VPS37B: variants seen among roughly 807,000 people sequenced by gnomAD.
The protein encoded by VPS37B is VPS37B subunit of ESCRT-I, also known as vacuolar protein sorting-associated protein 37B.
In VPS37B, 11 loss-of-function variants were observed where a neutral mutation model predicts 21.2. The ratio of observed to expected loss-of-function variants is 0.52; its 90% CI spans 0.33 to 0.86. The LOEUF is 0.86. Among genes scored for constraint, VPS37B ranks in the 40% least tolerant of loss-of-function variants. The pLI, the probability that VPS37B is intolerant of heterozygous loss-of-function variation, is 0.03. For synonymous variants in VPS37B, 175 were observed against 159.6 expected, an observed-to-expected ratio of 1.10 and a Z score of -0.73; for missense variants, 389 against 374.8, an observed-to-expected ratio of 1.04 and a Z score of -0.31.
At chr12:122,872,383 T>C (rs2034056738) in intron 1 of VPS37B, 1 of 985,466 alleles carries the variant, frequency 1.0e-6, no homozygotes, top group Non-Finnish European at 1.2e-6. Context: ...AAGATCAGGC[T>C]CTGCTGAAAC....
chr12:122,867,627 G>A lies in VPS37B; in HGVS notation c.367-20C>T. 1 of 1,610,256 alleles carries A rather than the reference G, an allele frequency of 6.2e-7. No individual in the cohort carries two copies. The highest frequency in any genetic ancestry group is 8.5e-7 in the Non-Finnish European group (1 of 1,179,932). ...CATGTTCTGAAAGAGGCAGAAACCT[G>A]GTTACAGGGACAGCCAGATGGGGAG... is the stretch of plus-strand genomic sequence containing the variant. On this transcript the variant is annotated intron_variant, in intron 3 of 3. Coordinates refer to ENST00000267202, the MANE Select transcript of VPS37B (RefSeq NM_024667.3). The surrounding 1 kb of genome is among the most constrained non-coding windows in gnomAD (Gnocchi z 5.5).
chr12:122,891,710 G>T (rs1484550300), intron 1 of VPS37B, among the ~76,000 whole-genome samples: 1 of 152,232 alleles, frequency 6.6e-6, no homozygotes, highest in African/African-American at 2.4e-5. Flanking sequence ...CATTCAGAGT[G>T]TGTTTGGGAG....
chr12:122,874,775 C>G (rs946199417), intron 1 of VPS37B: 2 of 151,758 alleles, frequency 1.3e-5, no homozygotes, highest in African/African-American at 4.8e-5. Flanking sequence ...ATGGAGAGAC[C>G]CCTTCTCTAA....
At chr12:122,885,127 G>A (rs1420387603) in intron 1 of VPS37B, 1 of 151,746 alleles carries the variant, frequency 6.6e-6, no homozygotes, top group Admixed American at 6.6e-5. Flanking sequence ...AGGGAAAAAA[G>A]GGATTAGTCA....
At chr12:122,893,647 G>A (rs975578055) in intron 1 of VPS37B, among the ~76,000 whole-genome samples, 10 of 152,012 alleles carry the variant, frequency 6.6e-5, no homozygotes, top group African/African-American at 9.7e-5. Context: ...AGTGATCCTC[G>A]CTAGGTGAGC....
At chr12:122,879,886 G>C (rs925140149) in intron 1 of VPS37B, 1 of 152,140 alleles carries the variant, frequency 6.6e-6, no homozygotes, top group Non-Finnish European at 1.5e-5. Flanking sequence ...GAGGCGGGCG[G>C]ATCACTTGAG....
At position 122,892,783 on chromosome 12, in the gene VPS37B, G is replaced by C. The variant is rs7137666; in HGVS notation, c.111+3169C>G. Among the ~76,000 whole-genome samples, 723 of 152,318 alleles carry C rather than the reference G, an allele frequency of 4.7e-3. 8 individuals are homozygous for C. The highest frequency in any genetic ancestry group is 0.017 in the African/African-American group (687 of 41,578). The stretch of plus-strand genomic sequence containing the variant: ...AATAAAAAATTAGCCGGTGGCAGCG[G>C]GGTGCGGTGGCTCACGCCTTTAATT... On this transcript the variant is annotated intron_variant, in intron 1 of 3. Coordinates refer to ENST00000267202, the MANE Select transcript of VPS37B (RefSeq NM_024667.3).
At position 122,895,996 on chromosome 12, in the gene VPS37B, C is replaced by G; in HGVS notation, c.67G>C (p.Glu23Gln). The G allele has an allele frequency of 1.1e-5, 17 of 1,607,730 alleles. No individual in the cohort carries two copies. The highest frequency in any genetic ancestry group is 1.4e-5 in the Non-Finnish European group (17 of 1,177,804). The change falls in exon 1 of 4, where the codon GAG becomes CAG. Residue 23 changes from glutamate to glutamine, a missense_variant. Transcript: ENST00000267202. ...ATCTCCGTCAGCTGGCCCTCGTCCT[C>G]CAGCAGCTCGTTGAGCTGCACCAGC... is the stretch of plus-strand genomic sequence containing the variant. ...LSLVQLNELLEDEGQLTEMVQ... is the reference protein window; with the variant it reads ...LSLVQLNELLQDEGQLTEMVQ...
At position 122,871,658 on chromosome 12, in the gene VPS37B, C is replaced by T. The variant is rs566037521; in HGVS notation, c.112-597G>A. 3.7e-5 allele frequency: 36 copies of T among 985,410 alleles called. No individual in the cohort carries two copies. The African/African-American group carries it at 5.2e-4, about 14-fold the overall frequency. 61.0% of individuals were successfully genotyped at this position (985,410 alleles called of 1,614,324 possible). A position where few individuals can be genotyped will look rare whatever the true frequency, so the allele number is the denominator to read the frequency against. ...CTAGCTGTTGGTGGGTGAGCAAAGC[C>T]GACCAAAAGCTGGGGGAAGAGGGGG... On this transcript the variant is annotated intron_variant, in intron 1 of 3. Coordinates refer to ENST00000267202, the MANE Select transcript of VPS37B (RefSeq NM_024667.3).
At chr12:122,894,904 A>T (rs1311352038) in intron 1 of VPS37B, among the ~76,000 whole-genome samples, 1 of 152,158 alleles carries the variant, frequency 6.6e-6, no homozygotes, top group African/African-American at 2.4e-5. Context: ...CTTCTTCCTG[A>T]AACTGCTCCA....
At chr12:122,887,329 C>A (rs929536760) in intron 1 of VPS37B, 2 of 152,198 alleles carry the variant, frequency 1.3e-5, no homozygotes, top group African/African-American at 4.8e-5. Flanking sequence ...AATCCTCCAA[C>A]GGCTCCCTGC....
rs948974971 is a variant in VPS37B at position 122,867,287 on chromosome 12, C to T, written c.687G>A (p.Ser229=). Reference sequence around the variant, plus strand: ...ATCCTGGGTACGGCACGGCCTGTCCCGAACTCATGGCCGCAGTAAACGGGG... The same window carrying T: ...ATCCTGGGTACGGCACGGCCTGTCCTGAACTCATGGCCGCAGTAAACGGGG... The part of the protein sequence containing the change: ...LATPFTAAMS[S]GQAVPYPGLQ... Residue 229 remains serine (S), a synonymous_variant, in exon 4 of 4, where the codon TCG becomes TCA. Coordinates refer to ENST00000267202, the MANE Select transcript of VPS37B (RefSeq NM_024667.3). The surrounding 1 kb of genome is among the most constrained non-coding windows in gnomAD (Gnocchi z 5.5). 14 of 1,566,286 alleles carry T rather than the reference C, an allele frequency of 8.9e-6. No individual in the cohort carries two copies. The highest frequency in any genetic ancestry group is 2.9e-5 in the African/African-American group (2 of 69,678).
At chr12:122,872,421 C>A in intron 1 of VPS37B, 7 of 985,460 alleles carry the variant, frequency 7.1e-6, no homozygotes, top group East Asian at 1.1e-4. Flanking sequence ...ACAATGAAAA[C>A]CAAACCTCTC....
At chr12:122,888,685 C>A in intron 1 of VPS37B, 1 of 443,232 alleles carries the variant, frequency 2.3e-6, no homozygotes, top group Non-Finnish European at 4.6e-6. Flanking sequence ...TCCAGCCAGT[C>A]TCTAACAGGA....
chr12:122,877,312 A>G (rs2034169141), intron 1 of VPS37B: 1 of 152,240 alleles, frequency 6.6e-6, no homozygotes, highest in Non-Finnish European at 1.5e-5. Context: ...CCGCACCTAC[A>G]GCATTCTCAG....
chr12:122,867,105 C>T lies in VPS37B; in HGVS notation c.*11G>A, dbSNP rs774127047. ...GTGGAAGAAGTCTCCCGGGAAGGAC[C>T]GCGCCGGCGCTCACTGGAGGATGAA... is the stretch of plus-strand genomic sequence containing the variant. On this transcript the variant is annotated 3_prime_UTR_variant, in exon 4 of 4. Transcript: ENST00000267202. This position sits in a 1 kb window ranked among gnomAD's most constrained non-coding sequence, Gnocchi z 5.5. 29 of 1,512,702 alleles carry T rather than the reference C, an allele frequency of 1.9e-5. No individual in the cohort carries two copies. Among genetic ancestry groups the T allele is most frequent in the East Asian group, 9.1e-5 (4 of 43,786 alleles). 93.7% of individuals were successfully genotyped at this position (1,512,702 alleles called of 1,614,324 possible).
intron 1 of VPS37B, chr12:122,885,857 G>A (rs915046102): frequency 8.0e-5 from 12 of 149,858 alleles, no homozygotes; most frequent in African/African-American, 2.9e-4. Flanking sequence ...CTAATTTTTT[G>A]TATTTTTAGT....
chr12:122,872,339 G>A (rs763280906), intron 1 of VPS37B: 5 of 985,314 alleles, frequency 5.1e-6, no homozygotes, highest in Non-Finnish European at 6.0e-6. Flanking sequence ...ACAGTGATCT[G>A]CATCTCCAGA....
intron 1 of VPS37B, chr12:122,878,190 C>A (rs1417024096): frequency 6.6e-6 from 1 of 152,062 alleles, no homozygotes; most frequent in Non-Finnish European, 1.5e-5. Flanking sequence ...GAAACCCCAT[C>A]TCTACTAAAA....
Sources: allele counts gnomAD v4.1 joint callset (sites outside exome capture counted in the v4.1 genomes callset), GRCh38; gene constraint gnomAD v4.1.1; non-coding constraint Gnocchi (gnomAD v3.1); transcripts MANE v1.5; gene names NCBI Gene and HGNC (gene_info 2026-07-23, HGNC 2026-07-21).